The following PTPRE variants were observed in gnomAD, a reference collection of about 807,000 sequenced individuals.
The protein encoded by PTPRE is protein tyrosine phosphatase receptor type E, also known as receptor-type tyrosine-protein phosphatase epsilon.
In PTPRE, 51 loss-of-function variants were observed where a neutral mutation model predicts 102.0. The ratio of observed to expected loss-of-function variants is 0.50; its 90% CI spans 0.40 to 0.63. The LOEUF (loss-of-function observed/expected upper bound fraction) is 0.63. Among genes scored for constraint, PTPRE ranks in the 30% least tolerant of loss-of-function variants. The pLI is 0.00. For missense variants in PTPRE, 752 were observed against 915.1 expected, an observed-to-expected ratio of 0.82 and a Z score of 2.30; for synonymous variants, 345 against 348.2, an observed-to-expected ratio of 0.99 and a Z score of 0.10.
chr10:128,073,277 C>G, intron 16 of PTPRE, 60 bp from the exon 17 acceptor site: 4 of 1,599,080 alleles, frequency 2.5e-6, no homozygotes, highest in Non-Finnish European at 3.4e-6. Context: ...ACTTAGGGAG[C>G]AGGTAATGGA....
intron 6 of PTPRE, among the ~76,000 whole-genome samples, chr10:128,051,687 T>C (rs1468850310): frequency 6.6e-6 from 1 of 152,246 alleles, no homozygotes; most frequent in Non-Finnish European, 1.5e-5. Context: ...CCAGAGGAAG[T>C]TCCTCATTCT....
chr10:127,933,528 A>G (rs1278506716), intron 1 of PTPRE, among the ~76,000 whole-genome samples: 11 of 152,348 alleles, frequency 7.2e-5, no homozygotes, highest in South Asian at 6.2e-4. Context: ...CATGGGCCCA[A>G]TTAAACTCTG....
chr10:127,997,084 C>T (rs912708914), intron 2 of PTPRE, among the ~76,000 whole-genome samples: 9 of 152,092 alleles, frequency 5.9e-5, no homozygotes, highest in Admixed American at 4.6e-4. Flanking sequence ...GAATTTGGGC[C>T]GAACTTAGAT....
intron 1 of PTPRE, chr10:127,934,991 A>G (rs926899738): frequency 3.3e-5 from 5 of 152,156 alleles, no homozygotes; most frequent in Admixed American, 1.3e-4. Context: ...CTCCTCCCCA[A>G]TCCCTGTCCG....
intron 6 of PTPRE, among the ~76,000 whole-genome samples, chr10:128,055,579 C>T (rs1848887538): frequency 6.6e-6 from 1 of 152,152 alleles, no homozygotes; most frequent in Admixed American, 6.5e-5. Context: ...GCCCAAGCCA[C>T]TGGTCCACAG....
chr10:127,982,496 G>A (rs1160103174), intron 2 of PTPRE, among the ~76,000 whole-genome samples, 200 bp downstream of exon 2: 9 of 64,686 alleles, frequency 1.4e-4, no homozygotes, highest in African/African-American at 6.8e-4. Context: ...TTGCGTGTGT[G>A]TGTGTGTGTG....
At chr10:127,963,023 C>A (rs12412502) in intron 1 of PTPRE, among the ~76,000 whole-genome samples, 28,998 of 152,110 alleles carry the variant, frequency 0.19, 2,928 homozygotes, top group East Asian at 0.32. Context: ...GACTAGGGGT[C>A]TCTGGCTGAG....
chr10:128,056,739 T>A, intron 7 of PTPRE, among the ~76,000 whole-genome samples: 1 of 151,900 alleles, frequency 6.6e-6, no homozygotes, highest in Non-Finnish European at 1.5e-5. Context: ...ACCCCAGCAG[T>A]ACAAGTGGGC....
intron 1 of PTPRE, among the ~76,000 whole-genome samples, chr10:127,976,712 T>C (rs554103998): frequency 5.1e-4 from 77 of 152,316 alleles, no homozygotes; most frequent in Admixed American, 8.5e-4. Flanking sequence ...CTAAACTCCT[T>C]CATGTCAGGG....
intron 2 of PTPRE, among the ~76,000 whole-genome samples, chr10:127,984,470 C>G (rs1387036204): frequency 6.6e-6 from 1 of 152,168 alleles, no homozygotes; most frequent in Non-Finnish European, 1.5e-5. Flanking sequence ...AGAAATCTTT[C>G]TCTTGACACG....
chr10:127,944,424 A>G lies in PTPRE; in HGVS notation c.-31+37115A>G, dbSNP rs1362301320. ...GATGGATGGATGGATGCATGCATGG[A>G]TAAGTGGATGGATGGATGGACAGAT... is the stretch of plus-strand genomic sequence containing the variant. On this transcript the variant is annotated intron_variant, in intron 1 of 20. Transcript: ENST00000254667. The surrounding 1 kb of genome is among the most constrained non-coding windows in gnomAD (Gnocchi z 4.2). 6.6e-6 allele frequency among the ~76,000 whole-genome samples: 1 copy of G among 150,944 alleles called. No homozygotes were observed. Among genetic ancestry groups the G allele is most frequent in the Non-Finnish European group, 1.5e-5 (1 of 67,844 alleles).
At chr10:128,015,372 CT>C (rs534909795) in intron 2 of PTPRE, among the ~76,000 whole-genome samples, 3,601 of 146,108 alleles carry the variant, frequency 0.025, 72 homozygotes, top group African/African-American at 0.045. Flanking sequence ...AGGAAGACCT[CT>C]TTTTTTTTTT....
At chr10:128,022,552 A>C (rs1007188985) in intron 2 of PTPRE, among the ~76,000 whole-genome samples, 1 of 151,950 alleles carries the variant, frequency 6.6e-6, no homozygotes, top group African/African-American at 2.4e-5. Flanking sequence ...CCTCCTGGTC[A>C]CCCTCCCACA....
rs186816662 is a variant in PTPRE, at chr10:128,063,945, C to T, written c.723+765C>T. 1.4e-3 allele frequency among the ~76,000 whole-genome samples: 215 copies of T among 152,220 alleles called. 3 individuals are homozygous for T. Among genetic ancestry groups the T allele is most frequent in the Admixed American group, 0.013 (193 of 15,290 alleles). ...TGAGGGACACTTACCACAGGTGGGG[C>T]GAAGTTAGGAGGCTGTGCTTCTGGC... On this transcript the variant is annotated intron_variant, in intron 10 of 20. Coordinates refer to ENST00000254667, the MANE Select transcript of PTPRE (RefSeq NM_006504.6).
rs1329892425 is a variant in PTPRE at position 127,944,317 on chromosome 10, A to G, written c.-31+37008A>G. ...CACCTCTGGGAGGTACTTGATAAATATTGATTGAATGGCTAAATGGTGGGT... is the reference window on the plus strand; with the variant it reads ...CACCTCTGGGAGGTACTTGATAAATGTTGATTGAATGGCTAAATGGTGGGT... On this transcript the variant is annotated intron_variant, in intron 1 of 20. Coordinates refer to ENST00000254667, the MANE Select transcript of PTPRE (RefSeq NM_006504.6). This position sits in a 1 kb window ranked among gnomAD's most constrained non-coding sequence, Gnocchi z 4.2. Among the ~76,000 whole-genome samples the G allele has an allele frequency of 1.3e-5, 2 of 152,182 alleles. No individual in the cohort carries two copies. Among genetic ancestry groups the G allele is most frequent in the African/African-American group, 4.8e-5 (2 of 41,434 alleles).
chr10:128,021,925 A>G (rs1046450015), intron 2 of PTPRE, among the ~76,000 whole-genome samples: 2 of 152,160 alleles, frequency 1.3e-5, no homozygotes, highest in African/African-American at 4.8e-5. Context: ...TTTGATTTCC[A>G]GTAGTTGGCC....
chr10:128,065,107 C>G (rs1007444251), intron 10 of PTPRE, among the ~76,000 whole-genome samples: 1 of 149,872 alleles, frequency 6.7e-6, no homozygotes, highest in South Asian at 2.2e-4. Flanking sequence ...CTGTGACCCA[C>G]AGCCCCGCAG....
chr10:127,911,030 C>T (rs575179424), intron 1 of PTPRE, among the ~76,000 whole-genome samples: 19 of 152,060 alleles, frequency 1.2e-4, no homozygotes, highest in Admixed American at 2.0e-4. Flanking sequence ...TGCAGTGAGC[C>T]ATGTTCACAC....
At chr10:128,080,950 C>A (rs2136088018) in intron 20 of PTPRE, among the ~76,000 whole-genome samples, 1 of 152,266 alleles carries the variant, frequency 6.6e-6, no homozygotes, top group South Asian at 2.1e-4. Flanking sequence ...TCATCTTCAC[C>A]ATCTGCTTGC....
Sources: allele counts gnomAD v4.1 joint callset (sites outside exome capture counted in the v4.1 genomes callset), GRCh38; gene constraint gnomAD v4.1.1; non-coding constraint Gnocchi (gnomAD v3.1); transcripts MANE v1.5; gene names NCBI Gene and HGNC (gene_info 2026-07-23, HGNC 2026-07-21).